KCND2: variants seen among roughly 807,000 people sequenced by gnomAD.
KCND2 encodes potassium voltage-gated channel subfamily D member 2, also known as A-type voltage-gated potassium channel KCND2.
A neutral mutation model predicts 54.4 loss-of-function variants in KCND2; 16 were observed. The observed-to-expected ratio is 0.29, with a 90% CI of 0.20 to 0.45. KCND2 has a LOEUF of 0.45. Among genes scored for constraint, KCND2 ranks in the 20% least tolerant of loss-of-function variants. KCND2 has a pLI of 1.00. For missense variants in KCND2, 486 were observed against 824.2 expected, an observed-to-expected ratio of 0.59 and a Z score of 5.02; for synonymous variants, 317 against 310.7, an observed-to-expected ratio of 1.02 and a Z score of -0.21.
chr7:120,392,623 A>T (rs1801094849), intron 1 of KCND2, among the ~76,000 whole-genome samples: 1 of 151,852 alleles, frequency 6.6e-6, no homozygotes, highest in African/African-American at 2.4e-5. Context: ...AGACCATTTT[A>T]TGTAAAAGTA....
intron 1 of KCND2, among the ~76,000 whole-genome samples, chr7:120,578,403 G>GTGCTAATCTAGCACATTAAAACC (rs1792467768): frequency 6.6e-6 from 1 of 152,080 alleles, no homozygotes; most frequent in Non-Finnish European, 1.5e-5. Flanking sequence ...TGCCTTTAAA[G>GTGCTAATCTAGCACATTAAAACC]TGCTAATCTA....
intron 1 of KCND2, among the ~76,000 whole-genome samples, chr7:120,714,798 A>G (rs1562918090): frequency 6.6e-6 from 1 of 152,010 alleles, no homozygotes; most frequent in East Asian, 1.9e-4. Flanking sequence ...CCTCCACATA[A>G]ACCCTCCATT....
At chr7:120,744,210 T>C (rs1562926085) in intron 4 of KCND2, among the ~76,000 whole-genome samples, 1 of 152,040 alleles carries the variant, frequency 6.6e-6, no homozygotes, top group African/African-American at 2.4e-5. Flanking sequence ...TGCAGTGAGC[T>C]AAGATAGTGT....
At chr7:120,415,897 G>C (rs10264481) in intron 1 of KCND2, among the ~76,000 whole-genome samples, 49,073 of 152,018 alleles carry the variant, frequency 0.32, 10,949 homozygotes, top group African/African-American at 0.62. Flanking sequence ...AAAGGGACAG[G>C]CATCCATCCG....
chr7:120,480,409 T>G (rs2116278798), intron 1 of KCND2, among the ~76,000 whole-genome samples: 1 of 152,282 alleles, frequency 6.6e-6, no homozygotes, highest in African/African-American at 2.4e-5. Flanking sequence ...GACTTTAAGG[T>G]TTAAACTGAT....
chr7:120,655,398 G>T (rs1239500632), intron 1 of KCND2, among the ~76,000 whole-genome samples: 1 of 151,950 alleles, frequency 6.6e-6, no homozygotes, highest in African/African-American at 2.4e-5. Context: ...ATTCAGGGTT[G>T]CATTCCTAAT....
chr7:120,417,423 G>A (rs1801539673), intron 1 of KCND2, among the ~76,000 whole-genome samples: 1 of 152,052 alleles, frequency 6.6e-6, no homozygotes, highest in South Asian at 2.1e-4. Context: ...TCAGATGACT[G>A]AAAAGATTTA....
intron 1 of KCND2, among the ~76,000 whole-genome samples, chr7:120,541,865 G>GA: frequency 6.6e-6 from 1 of 152,272 alleles, no homozygotes; most frequent in African/African-American, 2.4e-5. Context: ...CAATTCATTT[G>GA]AAAGTAGTTT....
chr7:120,497,490 A>G (rs1458175403), intron 1 of KCND2, among the ~76,000 whole-genome samples: 3 of 152,228 alleles, frequency 2.0e-5, no homozygotes, highest in African/African-American at 7.2e-5. Flanking sequence ...TATTTAAGTT[A>G]GAACTTTCAA....
chr7:120,562,783 A>G (rs984838974), intron 1 of KCND2, among the ~76,000 whole-genome samples: 10 of 152,196 alleles, frequency 6.6e-5, no homozygotes, highest in African/African-American at 2.4e-4. Context: ...GTAAATGTAC[A>G]TAGCACCAGA....
At chr7:120,618,412 A>C (rs1028783174) in intron 1 of KCND2, among the ~76,000 whole-genome samples, 3 of 152,198 alleles carry the variant, frequency 2.0e-5, no homozygotes, top group Non-Finnish European at 2.9e-5. Context: ...CTTCATCCTA[A>C]AATAATGTCT....
At chr7:120,276,548 T>C (rs1028272621) in intron 1 of KCND2, among the ~76,000 whole-genome samples, 3 of 152,146 alleles carry the variant, frequency 2.0e-5, no homozygotes, top group African/African-American at 7.2e-5. Context: ...TCTGGTAAGA[T>C]TGATGGTCAC....
chr7:120,573,022 A>G (rs1022561406), intron 1 of KCND2, among the ~76,000 whole-genome samples: 1 of 152,218 alleles, frequency 6.6e-6, no homozygotes, highest in Non-Finnish European at 1.5e-5. Context: ...TTGATAAAAT[A>G]TATTTGTTAG....
At chr7:120,492,991 T>C (rs930220113) in intron 1 of KCND2, among the ~76,000 whole-genome samples, 16 of 151,948 alleles carry the variant, frequency 1.1e-4, no homozygotes, top group Non-Finnish European at 1.9e-4. Flanking sequence ...GTAAGTACTG[T>C]CATCGTAAGT....
At chr7:120,350,754 TC>T (rs1800388238) in intron 1 of KCND2, among the ~76,000 whole-genome samples, 1 of 152,160 alleles carries the variant, frequency 6.6e-6, no homozygotes, top group South Asian at 2.1e-4. Context: ...AGATTTCTGT[TC>T]CCATGATAGC....
At chr7:120,572,586 T>G (rs181601372) in intron 1 of KCND2, among the ~76,000 whole-genome samples, 137 of 152,268 alleles carry the variant, frequency 9.0e-4, no homozygotes, top group African/African-American at 3.2e-3. Context: ...GGCGTGATCT[T>G]GGCTCACTGC....
At chr7:120,521,368 T>C (rs1791689688) in intron 1 of KCND2, among the ~76,000 whole-genome samples, 1 of 152,174 alleles carries the variant, frequency 6.6e-6, no homozygotes, top group Non-Finnish European at 1.5e-5. Context: ...TTTTCAAGTA[T>C]GCCTCTCATT....
At chr7:120,426,246 C>T (rs1219088675) in intron 1 of KCND2, among the ~76,000 whole-genome samples, 1 of 151,986 alleles carries the variant, frequency 6.6e-6, no homozygotes, top group African/African-American at 2.4e-5. Context: ...CAAACTTTGA[C>T]CTCCCAAAGA....
At position 120,530,158 on chromosome 7, in the gene KCND2, G is replaced by T. The variant is rs558504897; in HGVS notation, c.1116-202745G>T. ...GACTATTGTCAATAATAGCTTAATT[G>T]TACATTTTTAAATAACTAAGAGTAT... is the stretch of plus-strand genomic sequence containing the variant. On this transcript the variant is annotated intron_variant, in intron 1 of 5. Transcript: ENST00000331113. 2.0e-5 allele frequency among the ~76,000 whole-genome samples: 3 copies of T among 152,248 alleles called. No individual in the cohort carries two copies. In the South Asian group the frequency reaches 6.2e-4, roughly 32 times the overall value.
Sources: allele counts gnomAD v4.1 joint callset (sites outside exome capture counted in the v4.1 genomes callset), GRCh38; gene constraint gnomAD v4.1.1; transcripts MANE v1.5; gene names NCBI Gene and HGNC (gene_info 2026-07-23, HGNC 2026-07-21).